Variants in NLN observed in about 807,000 individuals in gnomAD.
The protein encoded by NLN is neurolysin.
In NLN, 64 loss-of-function variants were observed where a neutral mutation model predicts 79.9. The ratio of observed to expected loss-of-function variants is 0.80; its 90% CI spans 0.65 to 0.99. The LOEUF is 0.99. NLN is among the 50% of genes least tolerant of loss of function. The pLI is 0.00. For synonymous variants in NLN, 267 were observed against 296.6 expected (o/e 0.90, Z 1.02); for missense variants, 835 against 858.7 (o/e 0.97, Z 0.34).
At chr5:65,746,078 G>A (rs1758972513) in intron 1 of NLN, among the ~76,000 whole-genome samples, 1 of 152,112 alleles carries the variant, frequency 6.6e-6, no homozygotes, top group Admixed American at 6.5e-5. Flanking sequence ...TGTGCTGGAG[G>A]TACAGATCTG....
chr5:65,737,098 C>G (rs2434516), intron 1 of NLN, among the ~76,000 whole-genome samples: 3 of 152,096 alleles, frequency 2.0e-5, no homozygotes, highest in African/African-American at 7.2e-5. Context: ...AAGGGAGACT[C>G]TGTCCAGCCT....
intron 9 of NLN, among the ~76,000 whole-genome samples, chr5:65,803,413 A>C (rs945957181): frequency 2.6e-5 from 4 of 152,176 alleles, no homozygotes; most frequent in Non-Finnish European, 4.4e-5. Flanking sequence ...CTGGCATGTC[A>C]GTGCTGTCCT....
intron 7 of NLN, among the ~76,000 whole-genome samples, chr5:65,786,693 T>C (rs947544454): frequency 1.3e-5 from 2 of 152,070 alleles, no homozygotes; most frequent in African/African-American, 4.8e-5. Context: ...CAACCCTGTC[T>C]CTACAGAAAA....
chr5:65,806,804 G>A (rs1760422430), intron 9 of NLN, among the ~76,000 whole-genome samples: 1 of 152,180 alleles, frequency 6.6e-6, no homozygotes, highest in Non-Finnish European at 1.5e-5. Context: ...CTATCTAACA[G>A]CATCGCATGC....
At position 65,823,109 on chromosome 5, in the gene NLN, G is replaced by T; in HGVS notation, c.*194G>T. ...CTGTGACCTAAGAAAAGACCCACTA[G>T]AAAGTAATTGTACTATAAAATTTCA... On this transcript the variant is annotated 3_prime_UTR_variant, in exon 13 of 13. Transcript: ENST00000380985. 1 of 478,600 alleles carries T rather than the reference G, an allele frequency of 2.1e-6. No homozygotes were observed. 29.6% of individuals were successfully genotyped at this position (478,600 alleles called of 1,614,324 possible).
chr5:65,787,230 C>T (rs1288680463), intron 7 of NLN, among the ~76,000 whole-genome samples: 1 of 150,206 alleles, frequency 6.7e-6, no homozygotes, highest in Non-Finnish European at 1.5e-5. Flanking sequence ...CTCTCTCTCT[C>T]TCTCTTTATA....
chr5:65,812,327 G>A lies in NLN; in HGVS notation c.1916G>A (p.Ser639Asn), dbSNP rs960676597. Residue 639 changes from serine to asparagine, a missense_variant, in exon 12 of 13, where the codon AGT becomes AAT. Physicochemically the swap from Ser to Asn is conservative, Grantham distance 46. Coordinates refer to ENST00000380985, the MANE Select transcript of NLN (RefSeq NM_020726.5). ...YDGQYYGYLW[S>N]EVFSMDMFYS... Reference sequence around the variant, plus strand: ...GGCCAATATTATGGATATCTTTGGAGTGAAGTATTTTCCATGGATATGTTT... The same window carrying A: ...GGCCAATATTATGGATATCTTTGGAATGAAGTATTTTCCATGGATATGTTT... 6 of 1,590,262 alleles carry A rather than the reference G, an allele frequency of 3.8e-6. No individual in the cohort carries two copies. Among genetic ancestry groups the A allele is most frequent in the African/African-American group, 1.3e-5 (1 of 74,296 alleles).
chr5:65,781,584 C>T (rs1759801799), intron 6 of NLN, among the ~76,000 whole-genome samples, 163 bp downstream of exon 6: 2 of 152,188 alleles, frequency 1.3e-5, no homozygotes, highest in African/African-American at 2.4e-5. Flanking sequence ...TTTCATTGCT[C>T]ATTGACAACC....
At chr5:65,773,592 GAAGAAA>G (rs146684014) in intron 3 of NLN, among the ~76,000 whole-genome samples, 6,575 of 152,136 alleles carry the variant, frequency 0.043, 412 homozygotes, top group African/African-American at 0.14. Context: ...AAGTTCTTGT[GAAGAAA>G]AAGACAAAGT....
chr5:65,729,041 G>A (rs545636474), intron 1 of NLN, among the ~76,000 whole-genome samples: 23 of 152,188 alleles, frequency 1.5e-4, no homozygotes, highest in Admixed American at 4.6e-4. Flanking sequence ...ACAGGGCTTC[G>A]CCATGTTGCC....
intron 1 of NLN, among the ~76,000 whole-genome samples, chr5:65,754,294 A>G (rs1311111651): frequency 3.3e-5 from 5 of 152,062 alleles, no homozygotes; most frequent in Non-Finnish European, 7.4e-5. Flanking sequence ...GCTCATTCTC[A>G]TAGGATGGCT....
chr5:65,800,663 C>CTTAA lies in NLN; in HGVS notation c.1527+8011_1527+8012insATTA, dbSNP rs1760265795. Among the ~76,000 whole-genome samples, 3 of 142,974 alleles carry CTTAA rather than the reference C, an allele frequency of 2.1e-5. No homozygotes were observed. The East Asian group carries it at 6.2e-4, about 30-fold the overall frequency. 93.8% of individuals were successfully genotyped at this position (142,974 alleles called of 152,430 possible). A position where few individuals can be genotyped will look rare whatever the true frequency, so the allele number is the denominator to read the frequency against. On this transcript the variant is annotated intron_variant, in intron 9 of 12. Coordinates refer to ENST00000380985, the MANE Select transcript of NLN (RefSeq NM_020726.5). ...TAGCTTGGATAGTGAAGAAAACTCTCTTATTTATTTATTTATTTATTTATT... is the reference window on the plus strand; with the variant it reads ...TAGCTTGGATAGTGAAGAAAACTCTCTTAATTATTTATTTATTTATTTATTTATT...
rs145543140 is a variant in NLN at position 65,810,059 on chromosome 5, T to G, written c.1737T>G (p.Ile579Met). The G allele has an allele frequency of 1.6e-3, 2,633 of 1,614,066 alleles. 4 individuals are homozygous for G. The highest frequency in any genetic ancestry group is 2.0e-3 in the Non-Finnish European group (2,400 of 1,179,970). Reference protein sequence around the residue: ...VNTGLLTLRQIVLSKVDQSLH... With the variant: ...VNTGLLTLRQMVLSKVDQSLH... ...TAGGTCTTCTGACCCTGCGCCAGATTGTTTTGAGCAAAGTTGATCAGTCTC... is the reference window on the plus strand; with the variant it reads ...TAGGTCTTCTGACCCTGCGCCAGATGGTTTTGAGCAAAGTTGATCAGTCTC... Residue 579 changes from isoleucine (I) to methionine (M), a missense_variant, in exon 11 of 13, where the codon ATT (isoleucine) becomes ATG (methionine). Physicochemically the swap from Ile to Met is conservative, Grantham distance 10. Transcript: ENST00000380985.
chr5:65,809,597 G>A lies in NLN; in HGVS notation c.1610G>A (p.Trp537Ter), dbSNP rs1760497455. ...VPSQMLENWVWDVDSLRRLSK... is the reference protein window; with the variant it reads ...VPSQMLENWV Reference sequence around the variant, plus strand: ...TCGCAAATGCTTGAAAATTGGGTGTGGGACGTCGATTCCCTCCGAAGATTG... The same window carrying A: ...TCGCAAATGCTTGAAAATTGGGTGTAGGACGTCGATTCCCTCCGAAGATTG... The change falls in exon 10 of 13, where the codon TGG becomes TAG. Residue 537 changes from tryptophan (W) to a stop codon, truncating the protein, a stop_gained. Coordinates refer to ENST00000380985, the MANE Select transcript of NLN (RefSeq NM_020726.5). LOFTEE classifies it high-confidence loss of function. The A allele has an allele frequency of 6.2e-7, 1 of 1,613,882 alleles. No homozygotes were observed. The highest frequency in any genetic ancestry group is 1.7e-5 in the Admixed American group (1 of 59,938).
chr5:65,758,491 T>A (rs540032009), intron 1 of NLN, 76 bp from the exon 2 acceptor site: 98 of 970,116 alleles, frequency 1.0e-4, no homozygotes, highest in Middle Eastern at 7.7e-4. Flanking sequence ...ATATTTAATT[T>A]TATAATGCAC....
chr5:65,752,489 G>C (rs982486254), intron 1 of NLN, among the ~76,000 whole-genome samples: 1 of 152,194 alleles, frequency 6.6e-6, no homozygotes, highest in Non-Finnish European at 1.5e-5. Flanking sequence ...GACTTATGTA[G>C]CTCTCACTTG....
chr5:65,767,432 T>G (rs780995064), intron 3 of NLN, among the ~76,000 whole-genome samples: 1 of 152,192 alleles, frequency 6.6e-6, no homozygotes, highest in Non-Finnish European at 1.5e-5. Context: ...GCAACTGGGA[T>G]GCAGGGCACT....
Position 65,722,242 on chromosome 5 carries a change from TG to T in NLN, c.-130del. On this transcript the variant is annotated 5_prime_UTR_variant, in exon 1 of 13. Transcript: ENST00000380985. ...GGAGCTGCCGCACGTGGGAGGGCGCTGGCCAGGCAGCCACTGTGGCCTCTGC... is the reference window on the plus strand; with the variant it reads ...GGAGCTGCCGCACGTGGGAGGGCGCTGCCAGGCAGCCACTGTGGCCTCTGC... 2 of 531,366 alleles carry T rather than the reference TG, an allele frequency of 3.8e-6. No homozygotes were observed. The highest frequency in any genetic ancestry group is 6.1e-6 in the Non-Finnish European group (2 of 328,922). 32.9% of individuals were successfully genotyped at this position (531,366 alleles called of 1,614,324 possible).
rs1261591325 is a variant in NLN, at chr5:65,826,182, G to T, written c.*3267G>T. On this transcript the variant is annotated 3_prime_UTR_variant, in exon 13 of 13. Transcript: ENST00000380985. The stretch of plus-strand genomic sequence containing the variant: ...CCATGGGAAGAGACAGGAGGCAGAT[G>T]TGGAACATAAAGGGTTTAGAAACTT... 1 of 152,270 alleles carries T rather than the reference G, an allele frequency of 6.6e-6. No individual in the cohort carries two copies. Among genetic ancestry groups the T allele is most frequent in the Non-Finnish European group, 1.5e-5 (1 of 68,108 alleles). 9.4% of individuals were successfully genotyped at this position (152,270 alleles called of 1,614,324 possible). A position where few individuals can be genotyped will look rare whatever the true frequency, so the allele number is the denominator to read the frequency against.
Sources: gnomAD v4.1 joint callset for allele counts (sites outside exome capture counted in the v4.1 genomes callset) on GRCh38, gnomAD v4.1.1 for gene constraint, MANE v1.5 for transcripts, NCBI Gene and HGNC (gene_info 2026-07-23, HGNC 2026-07-21) for gene names.